SGIP1: variants seen among roughly 807,000 people sequenced by gnomAD.
SGIP1 encodes the protein SH3GL interacting endocytic adaptor 1.
A neutral mutation model predicts 107.5 loss-of-function variants in SGIP1; 38 were observed. That is an observed-to-expected ratio of 0.35 (90% CI 0.27 to 0.46). The LOEUF (loss-of-function observed/expected upper bound fraction) is 0.46, where lower values mean the gene tolerates loss of function less well. Ranked by LOEUF, SGIP1 falls within the 20% of genes least tolerant of loss-of-function variation. The probability of loss-of-function intolerance (pLI) is 1.00; values close to 1 mark genes in which losing one functional copy is unlikely to be tolerated. For synonymous variants in SGIP1, 365 were observed against 366.1 expected (o/e 1.00, Z 0.03); for missense variants, 929 against 1,019.5 (o/e 0.91, Z 1.21).
chr1:66,675,439 G>A (rs1392778511), intron 12 of SGIP1, among the ~76,000 whole-genome samples: 5 of 151,480 alleles, frequency 3.3e-5, no homozygotes, highest in South Asian at 2.1e-4. Flanking sequence ...TAGCTTTTTC[G>A]ATACCCACAC....
chr1:66,674,465 T>C (rs2084697395), intron 12 of SGIP1, among the ~76,000 whole-genome samples: 1 of 152,198 alleles, frequency 6.6e-6, no homozygotes. Context: ...GGCACCATGG[T>C]AAATGTATAA....
chr1:66,624,860 G>A (rs1300697871), intron 1 of SGIP1, among the ~76,000 whole-genome samples: 1 of 94,974 alleles, frequency 1.1e-5, no homozygotes, highest in Non-Finnish European at 2.0e-5. Flanking sequence ...AACATGTGAG[G>A]GATGGGAAAC....
At chr1:66,613,756 A>T (rs1437117666) in intron 1 of SGIP1, among the ~76,000 whole-genome samples, 3 of 152,236 alleles carry the variant, frequency 2.0e-5, no homozygotes, top group African/African-American at 7.2e-5. Flanking sequence ...TGATAAGTAG[A>T]TGACTAAAGT....
At chr1:66,660,239 G>A in intron 7 of SGIP1, 2 of 386,950 alleles carry the variant, frequency 5.2e-6, no homozygotes, top group South Asian at 8.8e-5. Flanking sequence ...GAGGGAGGGA[G>A]GGAGGGAGGG....
At chr1:66,629,641 G>A (rs544869687) in intron 2 of SGIP1, among the ~76,000 whole-genome samples, 4 of 152,036 alleles carry the variant, frequency 2.6e-5, no homozygotes, top group South Asian at 2.1e-4. Flanking sequence ...AAAAGTCCAT[G>A]GTAGATGATT....
At chr1:66,631,994 T>A (rs1051146081) in intron 2 of SGIP1, among the ~76,000 whole-genome samples, 5 of 152,258 alleles carry the variant, frequency 3.3e-5, no homozygotes, top group Non-Finnish European at 2.9e-5. Flanking sequence ...TGTAATCCAG[T>A]TTTCCAAAAT....
chr1:66,618,344 A>T (rs1018723455), intron 1 of SGIP1, among the ~76,000 whole-genome samples: 16 of 152,232 alleles, frequency 1.1e-4, no homozygotes, highest in African/African-American at 3.1e-4. Context: ...ACAAATAAAT[A>T]TCAAAAAACT....
intron 1 of SGIP1, among the ~76,000 whole-genome samples, chr1:66,580,724 C>T (rs1004975307): frequency 6.6e-6 from 1 of 151,998 alleles, no homozygotes; most frequent in African/African-American, 2.4e-5. Flanking sequence ...TTTTTATCTT[C>T]AATATCTGGT....
chr1:66,644,712 A>C (rs2077371148), intron 7 of SGIP1, among the ~76,000 whole-genome samples: 1 of 152,196 alleles, frequency 6.6e-6, no homozygotes, highest in African/African-American at 2.4e-5. Context: ...CCTGGGATGA[A>C]AAGTGTCTAT....
At chr1:66,675,041 G>A (rs536292858) in intron 12 of SGIP1, among the ~76,000 whole-genome samples, 9 of 152,290 alleles carry the variant, frequency 5.9e-5, no homozygotes, top group South Asian at 2.1e-4. Flanking sequence ...GCCTTGCAGT[G>A]AGGCTATCAG....
At chr1:66,694,805 T>C (rs1016956904) in intron 17 of SGIP1, 1 of 319,002 alleles carries the variant, frequency 3.1e-6, no homozygotes, top group South Asian at 1.4e-4. Context: ...CAGAATTACA[T>C]GTCCGGTCAC....
chr1:66,581,040 A>G (rs184762430), intron 1 of SGIP1, among the ~76,000 whole-genome samples: 1 of 152,240 alleles, frequency 6.6e-6, no homozygotes, highest in Admixed American at 6.5e-5. Flanking sequence ...TGTATGGAAA[A>G]TTTGGGGAAA....
At chr1:66,571,623 T>A (rs1426884292) in intron 1 of SGIP1, among the ~76,000 whole-genome samples, 10 of 152,106 alleles carry the variant, frequency 6.6e-5, no homozygotes, top group Admixed American at 5.9e-4. Flanking sequence ...GTAAAATTTT[T>A]AAAATTGTTC....
At chr1:66,669,364 G>A (rs2083275669) in intron 9 of SGIP1, among the ~76,000 whole-genome samples, 1 of 152,148 alleles carries the variant, frequency 6.6e-6, no homozygotes, top group Non-Finnish European at 1.5e-5. Context: ...GGGACAAAAA[G>A]GTCTTCAATA....
chr1:66,648,309 G>A (rs138055680), intron 7 of SGIP1, among the ~76,000 whole-genome samples: 15 of 152,252 alleles, frequency 9.9e-5, no homozygotes, highest in Non-Finnish European at 2.2e-4. Context: ...TCTGCATGGT[G>A]CATTTTGGTG....
At chr1:66,550,188 T>C (rs2057190726) in intron 1 of SGIP1, among the ~76,000 whole-genome samples, 1 of 152,162 alleles carries the variant, frequency 6.6e-6, no homozygotes, top group Admixed American at 6.5e-5. Flanking sequence ...GACTTCATCA[T>C]TTCTCCACAC....
chr1:66,692,366 A>G (rs1485260920), intron 17 of SGIP1, among the ~76,000 whole-genome samples: 2 of 152,112 alleles, frequency 1.3e-5, no homozygotes, highest in Non-Finnish European at 2.9e-5. Flanking sequence ...TTCATTACTA[A>G]GGAGCATACT....
rs761124779 is a variant in SGIP1, at chr1:66,695,438, T to C, written c.1575T>C (p.Asn525=). The C allele has an allele frequency of 5.6e-6, 9 of 1,614,134 alleles. No homozygotes were observed. Among genetic ancestry groups the C allele is most frequent in the Admixed American group, 5.0e-5 (3 of 60,012 alleles). ...CTTCAACTCCTGGCCATACAGAGAATGAACAGCCTTCCCTCGTTTGGTTTG... is the reference window on the plus strand; with the variant it reads ...CTTCAACTCCTGGCCATACAGAGAACGAACAGCCTTCCCTCGTTTGGTTTG... ...LSAATTPTVE[N]EQPSLVWFDR... is the part of the protein sequence containing the mutation. Residue 525 remains asparagine, a synonymous_variant, in exon 18 of 25, where the codon AAT becomes AAC. Transcript: ENST00000371037.
At chr1:66,673,470 T>C in intron 12 of SGIP1, 104 bp downstream of exon 12, 1 of 1,057,944 alleles carries the variant, frequency 9.5e-7, no homozygotes, top group South Asian at 2.3e-5. Context: ...TTTAATATAT[T>C]ATTTTCGTGG....
Sources: gnomAD v4.1 joint callset for allele counts (sites outside exome capture counted in the v4.1 genomes callset) on GRCh38, gnomAD v4.1.1 for gene constraint, MANE v1.5 for transcripts, NCBI Gene and HGNC (gene_info 2026-07-23, HGNC 2026-07-21) for gene names.